C10orf90: variants seen among roughly 807,000 people sequenced by gnomAD.
C10orf90 encodes chromosome 10 open reading frame 90.
Under a neutral mutation model 62.5 loss-of-function variants are expected in C10orf90, and 56 were observed. The ratio of observed to expected loss-of-function variants is 0.90; its 90% confidence interval spans 0.72 to 1.12. C10orf90 has a LOEUF of 1.12. Among genes scored for constraint, C10orf90 ranks in the 50% most tolerant of loss-of-function variants. The pLI, the probability that C10orf90 is intolerant of heterozygous loss-of-function variation, is 0.00. For synonymous variants in C10orf90, 386 were observed against 340.4 expected, an observed-to-expected ratio of 1.13 and a Z score of -1.47; for missense variants, 970 against 880.4, an observed-to-expected ratio of 1.10 and a Z score of -1.29.
chr10:126,522,653 C>A (rs994908302), intron 2 of C10orf90: 4 of 152,224 alleles, frequency 2.6e-5, no homozygotes, highest in African/African-American at 9.6e-5. Flanking sequence ...GAAGAAATGA[C>A]CTTGTGGAGA....
intron 6 of C10orf90, 24 bp from the exon 7 acceptor site, chr10:126,459,241 T>A (rs760371564): frequency 3.7e-6 from 6 of 1,611,588 alleles, no homozygotes; most frequent in Non-Finnish European, 5.1e-6. Flanking sequence ...AGAAAATACG[T>A]CATTTTTAAG....
At chr10:126,539,920 G>T (rs937057234) in intron 2 of C10orf90, among the ~76,000 whole-genome samples, 4 of 152,202 alleles carry the variant, frequency 2.6e-5, no homozygotes, top group Admixed American at 6.6e-5. Flanking sequence ...GAGGCACGAA[G>T]CTGGAATGGA....
At chr10:126,501,538 G>T (rs1361204886) in intron 4 of C10orf90, among the ~76,000 whole-genome samples, 1 of 152,092 alleles carries the variant, frequency 6.6e-6, no homozygotes, top group Non-Finnish European at 1.5e-5. Flanking sequence ...TCCACCTTGG[G>T]CAAATAGAGC....
intron 7 of C10orf90, among the ~76,000 whole-genome samples, chr10:126,451,369 G>A (rs942631034): frequency 1.3e-5 from 2 of 152,138 alleles, no homozygotes; most frequent in Admixed American, 6.5e-5. Context: ...CGAGGTATCA[G>A]CACTCCTGTG....
intron 2 of C10orf90, among the ~76,000 whole-genome samples, chr10:126,552,791 C>T (rs962918138): frequency 2.0e-5 from 3 of 152,250 alleles, no homozygotes; most frequent in Non-Finnish European, 4.4e-5. Flanking sequence ...TACATCATCT[C>T]TCTGAGCCTC....
At chr10:126,626,890 G>A (rs1213766959) in intron 2 of C10orf90, among the ~76,000 whole-genome samples, 4 of 152,194 alleles carry the variant, frequency 2.6e-5, no homozygotes, top group Non-Finnish European at 5.9e-5. Flanking sequence ...TTCAGCAGCT[G>A]CCTCCGCTGC....
In C10orf90 at chr10:126,486,213, C is replaced by A. The variant is rs557880080; in HGVS notation, c.1534+17744G>T. On this transcript the variant is annotated intron_variant, in intron 4 of 9. Coordinates refer to ENST00000488181, the MANE Select transcript of C10orf90 (RefSeq NM_001350921.2). ...TAAAGACTCAATTTATAATCATAAGCTAGTCCCCTTTCAGACTTGGGGCCA... is the reference window on the plus strand; with the variant it reads ...TAAAGACTCAATTTATAATCATAAGATAGTCCCCTTTCAGACTTGGGGCCA... 6.6e-5 allele frequency among the ~76,000 whole-genome samples: 10 copies of A among 152,294 alleles called. 1 individual carries two copies. Among genetic ancestry groups the A allele is most frequent in the African/African-American group, 2.4e-4 (10 of 41,570 alleles).
intron 2 of C10orf90, among the ~76,000 whole-genome samples, chr10:126,592,010 A>G (rs1844989574): frequency 6.6e-6 from 1 of 152,192 alleles, no homozygotes; most frequent in South Asian, 2.1e-4. Context: ...GGACCTCCTC[A>G]AGGAAAACTA....
Position 126,453,184 on chromosome 10 carries a change from G to A in C10orf90, c.2188+5856C>T, listed in dbSNP as rs1028963864. On this transcript the variant is annotated intron_variant, in intron 7 of 9. Transcript: ENST00000488181. This position sits in a 1 kb window ranked among gnomAD's most constrained non-coding sequence, Gnocchi z 4.9. ...CCTCTACTCGTGCATGATTTGAATG[G>A]CTCTGACTTGGCTCACCTTGGGAAG... 3.3e-5 allele frequency among the ~76,000 whole-genome samples: 5 copies of A among 152,166 alleles called. No homozygotes were observed. The highest frequency in any genetic ancestry group is 1.2e-4 in the African/African-American group (5 of 41,436).
At chr10:126,434,347 C>T (rs936730372) in intron 7 of C10orf90, among the ~76,000 whole-genome samples, 4 of 152,182 alleles carry the variant, frequency 2.6e-5, no homozygotes, top group African/African-American at 4.8e-5. Context: ...CAGCATGATT[C>T]GTTGTTTTTG....
At chr10:126,461,644 C>T (rs2133726122) in intron 5 of C10orf90, 59 bp from the exon 6 acceptor site, 2 of 1,507,904 alleles carry the variant, frequency 1.3e-6, no homozygotes, top group Non-Finnish European at 9.0e-7. Flanking sequence ...CACGTGGCTC[C>T]TCAATACCAT....
intron 4 of C10orf90, among the ~76,000 whole-genome samples, chr10:126,502,050 CCACACACACG>C (rs1193137002): frequency 6.8e-6 from 1 of 146,310 alleles, no homozygotes; most frequent in Non-Finnish European, 1.5e-5. Context: ...CACACCCACA[CCACACACACG>C]CACACACACA....
At chr10:126,614,617 T>C (rs1399250066) in intron 2 of C10orf90, among the ~76,000 whole-genome samples, 1 of 152,096 alleles carries the variant, frequency 6.6e-6, no homozygotes, top group Middle Eastern at 3.2e-3. Flanking sequence ...TGGTTCCCAG[T>C]CCAGGGGAAA....
chr10:126,644,384 T>C (rs1257617081), intron 2 of C10orf90, among the ~76,000 whole-genome samples: 3 of 152,196 alleles, frequency 2.0e-5, no homozygotes, highest in Non-Finnish European at 4.4e-5. Flanking sequence ...GAAACAACCT[T>C]GCGGGAAGAC....
At chr10:126,661,000 T>C (rs1303646619) in intron 1 of C10orf90, among the ~76,000 whole-genome samples, 4 of 152,244 alleles carry the variant, frequency 2.6e-5, no homozygotes, top group Non-Finnish European at 5.9e-5. Flanking sequence ...ATTGTATGCT[T>C]GACACAAATG....
At chr10:126,461,337 A>G (rs901720741) in intron 6 of C10orf90, 64 bp downstream of exon 6, 3 of 1,573,566 alleles carry the variant, frequency 1.9e-6, no homozygotes, top group Admixed American at 1.8e-5. Flanking sequence ...TTGTGTGCTC[A>G]CGGACTCCCT....
intron 4 of C10orf90, among the ~76,000 whole-genome samples, chr10:126,489,559 A>G (rs998830177): frequency 6.6e-6 from 1 of 152,184 alleles, no homozygotes; most frequent in Non-Finnish European, 1.5e-5. Flanking sequence ...TATTAATTGA[A>G]AAAACAGAGC....
chr10:126,528,260 C>T lies in C10orf90; in HGVS notation c.314-14321G>A, dbSNP rs148260581. Among the ~76,000 whole-genome samples, 53 of 152,220 alleles carry T rather than the reference C, an allele frequency of 3.5e-4. No individual in the cohort carries two copies. The East Asian group carries it at 9.3e-3, about 27-fold the overall frequency. On this transcript the variant is annotated intron_variant, in intron 2 of 9. Coordinates refer to ENST00000488181, the MANE Select transcript of C10orf90 (RefSeq NM_001350921.2). ...GGAGCGAACACCAGATTTAGCATTT[C>T]CAGATATCTAGACAAAGAGAGAGAT...
intron 1 of C10orf90, among the ~76,000 whole-genome samples, chr10:126,669,799 T>C (rs1238291222): frequency 6.6e-6 from 1 of 152,078 alleles, no homozygotes; most frequent in Non-Finnish European, 1.5e-5. Context: ...TGAATCATTC[T>C]ATTTTAACTC....
Sources: gnomAD v4.1 joint callset for allele counts (sites outside exome capture counted in the v4.1 genomes callset) on GRCh38, gnomAD v4.1.1 for gene constraint, Gnocchi (gnomAD v3.1) non-coding constraint, MANE v1.5 for transcripts, NCBI Gene and HGNC (gene_info 2026-07-23, HGNC 2026-07-21) for gene names.